ADD3: variants seen among roughly 807,000 people sequenced by gnomAD.
The protein encoded by ADD3 is adducin 3.
In ADD3, 25 loss-of-function variants were observed where a neutral mutation model predicts 80.2. The observed-to-expected ratio is 0.31, with a 90% CI of 0.23 to 0.44. ADD3 has a LOEUF of 0.44. ADD3 is among the 20% of genes least tolerant of loss of function. The pLI, the probability that ADD3 is intolerant of heterozygous loss-of-function variation, is 1.00. For missense variants in ADD3, 829 were observed against 847.5 expected, an observed-to-expected ratio of 0.98 and a Z score of 0.27; for synonymous variants, 284 against 289.6, an observed-to-expected ratio of 0.98 and a Z score of 0.20.
intron 1 of ADD3, among the ~76,000 whole-genome samples, chr10:110,022,167 G>T (rs1297023725): frequency 6.6e-6 from 1 of 152,102 alleles, no homozygotes; most frequent in Non-Finnish European, 1.5e-5. Context: ...TTTTGTCAGG[G>T]ATGATCTAGA....
chr10:110,002,281 C>CT (rs796225903), upstream of ADD3, among the ~76,000 whole-genome samples: 357 of 148,490 alleles, frequency 2.4e-3, 1 homozygote, highest in African/African-American at 7.7e-3. Context: ...ACTAGTGAGT[C>CT]TTTTTTTTTT....
chr10:110,079,457 A>T (rs796338772), intron 1 of ADD3, among the ~76,000 whole-genome samples: 4,849 of 120,260 alleles, frequency 0.04, 93 homozygotes, highest in East Asian at 0.08. Context: ...AGAGAGAGAG[A>T]GAGAGTGTGT....
At chr10:110,002,217 A>G (rs1290555133), upstream of ADD3, among the ~76,000 whole-genome samples, 1 of 151,866 alleles carries the variant, frequency 6.6e-6, no homozygotes, top group East Asian at 1.9e-4. Flanking sequence ...GCTTGAACCC[A>G]GGAGGTGGAG....
At chr10:110,002,690 A>G (rs1851510000), upstream of ADD3, among the ~76,000 whole-genome samples, 1 of 152,162 alleles carries the variant, frequency 6.6e-6, no homozygotes, top group Non-Finnish European at 1.5e-5. Flanking sequence ...TTTAGTCATG[A>G]TGATTTTAAG....
intron 13 of ADD3, among the ~76,000 whole-genome samples, chr10:110,131,286 T>G (rs1305731905): frequency 6.6e-6 from 1 of 152,210 alleles, no homozygotes; most frequent in Non-Finnish European, 1.5e-5. Context: ...CTAGCTCCCT[T>G]TTTCTCTGGA....
chr10:110,007,285 G>A (rs1185772117), upstream of ADD3, among the ~76,000 whole-genome samples: 1 of 152,180 alleles, frequency 6.6e-6, no homozygotes, highest in Non-Finnish European at 1.5e-5. Context: ...GAGAGCCCCT[G>A]TCCTCCCCCT....
At chr10:110,131,458 T>A (rs776093058) in intron 13 of ADD3, among the ~76,000 whole-genome samples, 1 of 152,128 alleles carries the variant, frequency 6.6e-6, no homozygotes, top group Non-Finnish European at 1.5e-5. Context: ...AAAAAGAGGG[T>A]AAGGAGCCTC....
chr10:110,094,865 G>A (rs769682063), intron 1 of ADD3, among the ~76,000 whole-genome samples: 37 of 152,192 alleles, frequency 2.4e-4, no homozygotes, highest in Non-Finnish European at 4.4e-4. Context: ...GCTGCTTTGC[G>A]GTCTTGGCAT....
intron 10 of ADD3, among the ~76,000 whole-genome samples, chr10:110,124,882 T>G (rs1244817752): frequency 6.6e-6 from 1 of 152,208 alleles, no homozygotes; most frequent in African/African-American, 2.4e-5. Context: ...TGGATGCAGC[T>G]CAACACAAAT....
At chr10:110,057,155 C>T (rs1858296803) in intron 1 of ADD3, among the ~76,000 whole-genome samples, 1 of 152,116 alleles carries the variant, frequency 6.6e-6, no homozygotes, top group Admixed American at 6.5e-5. Flanking sequence ...CCCAATTCTC[C>T]CCATATCAAC....
chr10:110,102,838 A>G (rs1012231845), intron 2 of ADD3, among the ~76,000 whole-genome samples: 3 of 152,234 alleles, frequency 2.0e-5, no homozygotes, highest in African/African-American at 7.2e-5. Flanking sequence ...CCATTAAACT[A>G]AAGTTGCATA....
chr10:110,085,852 T>G (rs1402119865), intron 1 of ADD3, among the ~76,000 whole-genome samples: 1 of 152,190 alleles, frequency 6.6e-6, no homozygotes, highest in Non-Finnish European at 1.5e-5. Context: ...ACGCCTGTAA[T>G]CCCAGCACTT....
Position 110,118,618 on chromosome 10 carries a change from A to G in ADD3, c.599A>G (p.Asp200Gly). 6.2e-7 allele frequency: 1 copy of G among 1,614,046 alleles called. No individual in the cohort carries two copies. The highest frequency in any genetic ancestry group is 8.5e-7 in the Non-Finnish European group (1 of 1,179,894). Reference sequence around the variant, plus strand: ...GTCAATATAATAGGAGAAGTGGTTGACCAGGGAAGTACCAATTTGAAAATT... The same window carrying G: ...GTCAATATAATAGGAGAAGTGGTTGGCCAGGGAAGTACCAATTTGAAAATT... ...VKVNIIGEVV[D>G]QGSTNLKIDH... The change falls in exon 6 of 15, where the codon GAC becomes GGC. Residue 200 changes from aspartate (D) to glycine (G), a missense_variant. Physicochemically the swap from Asp to Gly is moderately conservative, Grantham distance 94. Coordinates refer to ENST00000356080, the MANE Select transcript of ADD3 (RefSeq NM_016824.5).
chr10:110,117,534 C>T (rs771068369), intron 5 of ADD3, 112 bp downstream of exon 5: 20 of 652,342 alleles, frequency 3.1e-5, no homozygotes, highest in Non-Finnish European at 5.4e-5. Context: ...AAAACATTTA[C>T]TAGTGAACAG....
At chr10:110,106,835 T>C (rs1181552146) in intron 2 of ADD3, among the ~76,000 whole-genome samples, 1 of 152,132 alleles carries the variant, frequency 6.6e-6, no homozygotes, top group African/African-American at 2.4e-5. Flanking sequence ...AAATGGCTTT[T>C]TAAAAGTTTA....
chr10:110,084,629 G>A (rs987541653), intron 1 of ADD3, among the ~76,000 whole-genome samples: 13 of 152,146 alleles, frequency 8.5e-5, no homozygotes, highest in African/African-American at 3.1e-4. Flanking sequence ...CTCCATATGA[G>A]AAATGAGGTA....
In ADD3 at chr10:110,132,406, C is replaced by T. The variant is rs137858169; in HGVS notation, c.1828+6C>T. On this transcript the variant is annotated splice_donor_region_variant and intron_variant, in intron 14 of 14. Coordinates refer to ENST00000356080, the MANE Select transcript of ADD3 (RefSeq NM_016824.5). ...TGTCCCTGAAAAATTAGAAGGTACT[C>T]AATGTAATTTCCCACATAGCATTCA... 2.3e-4 allele frequency: 359 copies of T among 1,589,960 alleles called. 1 individual carries two copies. In the East Asian group the frequency reaches 5.7e-3, roughly 25 times the overall value.
intron 10 of ADD3, among the ~76,000 whole-genome samples, chr10:110,125,444 T>G (rs1367138774): frequency 2.0e-5 from 3 of 147,444 alleles, no homozygotes; most frequent in Non-Finnish European, 3.0e-5. Context: ...TTTTTTTTTT[T>G]GATTACTCCT....
intron 1 of ADD3, among the ~76,000 whole-genome samples, chr10:110,095,611 G>A (rs1025221605): frequency 2.6e-5 from 4 of 152,060 alleles, no homozygotes; most frequent in African/African-American, 9.7e-5. Flanking sequence ...ACTATACTTT[G>A]TGTTTGTCAG....
Sources: gnomAD v4.1 joint callset for allele counts (sites outside exome capture counted in the v4.1 genomes callset) on GRCh38, gnomAD v4.1.1 for gene constraint, MANE v1.5 for transcripts, NCBI Gene and HGNC (gene_info 2026-07-23, HGNC 2026-07-21) for gene names.